The following CDH23 variants were observed in gnomAD, a reference collection of about 807,000 sequenced individuals.
The protein encoded by CDH23 is cadherin related 23.
CDH23 carries 189 observed loss-of-function variants against 317.1 expected under a neutral mutation model. The observed-to-expected ratio is 0.60, with a 90% CI of 0.53 to 0.67. The LOEUF (loss-of-function observed/expected upper bound fraction) is 0.67, where lower values mean the gene tolerates loss of function less well. Among genes scored for constraint, CDH23 ranks in the 30% least tolerant of loss-of-function variants. The probability of loss-of-function intolerance (pLI) is 0.00; values close to 1 mark genes in which losing one functional copy is unlikely to be tolerated. For synonymous variants in CDH23, 1,839 were observed against 1,876.8 expected (o/e 0.98, Z 0.52); for missense variants, 4,401 against 4,592.4 (o/e 0.96, Z 1.20).
rs1436765526 is a variant in CDH23 at position 71,730,617 on chromosome 10, G to A, written c.3715+13G>A. ...GACCGAGACTCTGGTGAGGCTGGCAGGAGGAAGCCGGGGATCCCATTGCTC... is the reference window on the plus strand; with the variant it reads ...GACCGAGACTCTGGTGAGGCTGGCAAGAGGAAGCCGGGGATCCCATTGCTC... On this transcript the variant is annotated intron_variant, in intron 31 of 69. Coordinates refer to ENST00000224721, the MANE Select transcript of CDH23 (RefSeq NM_022124.6). The A allele has an allele frequency of 1.9e-6, 3 of 1,613,456 alleles. No individual in the cohort carries two copies. The highest frequency in any genetic ancestry group is 1.7e-5 in the Admixed American group (1 of 60,022).
chr10:71,677,022 T>C (rs1864399313), intron 15 of CDH23, among the ~76,000 whole-genome samples: 1 of 152,124 alleles, frequency 6.6e-6, no homozygotes, highest in South Asian at 2.1e-4. Flanking sequence ...TTCCTCAAAG[T>C]CAAGGGGCAG....
chr10:71,419,037 G>A (rs1848640436), intron 1 of CDH23, among the ~76,000 whole-genome samples: 1 of 152,160 alleles, frequency 6.6e-6, no homozygotes, highest in African/African-American at 2.4e-5. Flanking sequence ...GTACTATCAA[G>A]TAAGAAAAAA....
intron 11 of CDH23, among the ~76,000 whole-genome samples, chr10:71,635,703 G>A (rs1862237566): frequency 6.6e-6 from 1 of 151,704 alleles, no homozygotes; most frequent in Non-Finnish European, 1.5e-5. Flanking sequence ...GAAGGGGGGA[G>A]GAAAGAGAAA....
At chr10:71,571,837 G>A (rs1405052268) in intron 8 of CDH23, among the ~76,000 whole-genome samples, 1 of 152,222 alleles carries the variant, frequency 6.6e-6, no homozygotes, top group African/African-American at 2.4e-5. Context: ...TGGGGCACCC[G>A]CCTAAGGCTC....
At chr10:71,752,119 A>G (rs1589396907) in intron 38 of CDH23, 1 of 637,086 alleles carries the variant, frequency 1.6e-6, no homozygotes, top group East Asian at 3.0e-5. Context: ...CTGACCATCA[A>G]CCCCGGGCAC....
intron 28 of CDH23, among the ~76,000 whole-genome samples, chr10:71,720,843 C>A (rs1379180588): frequency 6.6e-6 from 1 of 152,174 alleles, no homozygotes; most frequent in Non-Finnish European, 1.5e-5. Context: ...TGTGACCTGC[C>A]CAGGGGCACC....
chr10:71,459,216 T>C (rs1192814874), intron 3 of CDH23, among the ~76,000 whole-genome samples: 1 of 149,048 alleles, frequency 6.7e-6, no homozygotes, highest in Non-Finnish European at 1.5e-5. Flanking sequence ...GCCTCCCAAG[T>C]AGCTGGGACC....
chr10:71,575,274 G>C (rs778648410), intron 8 of CDH23, among the ~76,000 whole-genome samples: 1 of 152,146 alleles, frequency 6.6e-6, no homozygotes, highest in Non-Finnish European at 1.5e-5. Context: ...GTTGTCATCA[G>C]ATGCACACAG....
At chr10:71,764,489 T>G (rs1416243491) in intron 38 of CDH23, among the ~76,000 whole-genome samples, 1 of 152,166 alleles carries the variant, frequency 6.6e-6, no homozygotes, top group Non-Finnish European at 1.5e-5. Context: ...TCTTTTTAAT[T>G]TTCTTGAGAT....
intron 14 of CDH23, among the ~76,000 whole-genome samples, chr10:71,656,600 G>A (rs148483406): frequency 1.5e-4 from 23 of 152,308 alleles, no homozygotes; most frequent in African/African-American, 4.6e-4. Context: ...GGCAGGGGCG[G>A]GGAGTGCCAG....
At chr10:71,495,653 C>G (rs116497169) in intron 3 of CDH23, among the ~76,000 whole-genome samples, 4,527 of 151,500 alleles carry the variant, frequency 0.03, 219 homozygotes, top group African/African-American at 0.1. Context: ...GGCAACACAA[C>G]AAGACCTCAT....
In CDH23 at chr10:71,791,324, A is replaced by G. The variant is rs767001826; in HGVS notation, c.6242A>G (p.Asn2081Ser). 1.9e-6 allele frequency: 3 copies of G among 1,613,328 alleles called. No homozygotes were observed. The East Asian group carries it at 6.7e-5, about 36-fold the overall frequency. Reference protein sequence around the residue: ...PATLTVHLLENCPPGFSVLQV... With the variant: ...PATLTVHLLESCPPGFSVLQV... Reference sequence around the variant, plus strand: ...ACCCTCACTGTCCATCTGCTAGAGAACTGCCCGCCTGGTAAGCAGGGGACA... The same window carrying G: ...ACCCTCACTGTCCATCTGCTAGAGAGCTGCCCGCCTGGTAAGCAGGGGACA... The change falls in exon 47 of 70, where the codon AAC becomes AGC. Residue 2081 changes from asparagine (N) to serine (S), a missense_variant. Coordinates refer to ENST00000224721, the MANE Select transcript of CDH23 (RefSeq NM_022124.6).
At chr10:71,483,826 T>A (rs1233590764) in intron 3 of CDH23, among the ~76,000 whole-genome samples, 2 of 152,214 alleles carry the variant, frequency 1.3e-5, no homozygotes, top group Admixed American at 6.5e-5. Flanking sequence ...TTGGTGTACA[T>A]GCTCACACAC....
chr10:71,716,291 G>A (rs764039754), intron 28 of CDH23: 1 of 1,522,396 alleles, frequency 6.6e-7, no homozygotes, highest in South Asian at 1.2e-5. Flanking sequence ...AAAGGCGAGG[G>A]GGCTGATGGC....
intron 11 of CDH23, among the ~76,000 whole-genome samples, chr10:71,623,416 T>A (rs370157991): frequency 6.6e-4 from 100 of 152,246 alleles, no homozygotes; most frequent in African/African-American, 2.3e-3. Flanking sequence ...CTCAAGAGGA[T>A]GGAGGTGTCA....
chr10:71,689,129 TGGTGGAGC>T (rs1564734092), intron 19 of CDH23, among the ~76,000 whole-genome samples: 28 of 128,192 alleles, frequency 2.2e-4, no homozygotes, highest in Non-Finnish European at 2.5e-4. Flanking sequence ...GAGCCAGGGG[TGGTGGAGC>T]CAGGGGTGGT....
In CDH23 at chr10:71,784,438, AC is replaced by A. The variant is rs770172310; in HGVS notation, c.5502+21del. 1 of 1,608,862 alleles carries A rather than the reference AC, an allele frequency of 6.2e-7. No individual in the cohort carries two copies. Among genetic ancestry groups the A allele is most frequent in the Admixed American group, 1.7e-5 (1 of 59,562 alleles). ...GCTCCACAGTGAGTCTGGGGGCCCC[AC>A]CCGCTGGCTTCACCTCGCTGCCCCT... On this transcript the variant is annotated intron_variant, in intron 42 of 69. Coordinates refer to ENST00000224721, the MANE Select transcript of CDH23 (RefSeq NM_022124.6).
At chr10:71,440,906 C>T (rs1849844629) in intron 2 of CDH23, among the ~76,000 whole-genome samples, 1 of 152,190 alleles carries the variant, frequency 6.6e-6, no homozygotes, top group South Asian at 2.1e-4. Context: ...CAGGCGGAGT[C>T]TCTGGAGGCT....
In CDH23 at chr10:71,616,489, G is replaced by T. The variant is rs145918733; in HGVS notation, c.946-716G>T. ...GAGGTGGTCAGCTCTACCAGAGAGAGCTGCCCCCTGGTCCCAGCACCCCAC... is the reference window on the plus strand; with the variant it reads ...GAGGTGGTCAGCTCTACCAGAGAGATCTGCCCCCTGGTCCCAGCACCCCAC... On this transcript the variant is annotated intron_variant, in intron 10 of 69. Coordinates refer to ENST00000224721, the MANE Select transcript of CDH23 (RefSeq NM_022124.6). Among the ~76,000 whole-genome samples the T allele has an allele frequency of 4.6e-5, 7 of 152,236 alleles. 1 individual carries two copies. Among genetic ancestry groups the T allele is most frequent in the Admixed American group, 4.6e-4 (7 of 15,290 alleles).
Sources: allele counts gnomAD v4.1 joint callset (sites outside exome capture counted in the v4.1 genomes callset), GRCh38; gene constraint gnomAD v4.1.1; transcripts MANE v1.5; gene names NCBI Gene and HGNC (gene_info 2026-07-23, HGNC 2026-07-21).